Variants in PDLIM1 observed in about 807,000 individuals in gnomAD.
PDLIM1 encodes the protein PDZ and LIM domain protein 1.
Under a neutral mutation model 35.2 loss-of-function variants are expected in PDLIM1, and 25 were observed. The ratio of observed to expected loss-of-function variants is 0.71; its 90% CI spans 0.52 to 0.99. The LOEUF (loss-of-function observed/expected upper bound fraction) is 0.99, where lower values mean the gene tolerates loss of function less well. Ranked by LOEUF, PDLIM1 falls within the 50% of genes least tolerant of loss-of-function variation. The pLI, the probability that PDLIM1 is intolerant of heterozygous loss-of-function variation, is 0.00. For synonymous variants in PDLIM1, 152 were observed against 154.0 expected, an observed-to-expected ratio of 0.99 and a Z score of 0.10; for missense variants, 363 against 415.3, an observed-to-expected ratio of 0.87 and a Z score of 1.09.
intron 5 of PDLIM1, among the ~76,000 whole-genome samples, chr10:95,241,109 G>C (rs1257871433): frequency 6.6e-6 from 1 of 152,194 alleles, no homozygotes; most frequent in East Asian, 1.9e-4. Flanking sequence ...CCCCATGACT[G>C]CAGTCACGTC....
intron 1 of PDLIM1, among the ~76,000 whole-genome samples, chr10:95,276,766 T>C (rs1475867265): frequency 1.3e-5 from 2 of 151,988 alleles, no homozygotes; most frequent in Non-Finnish European, 1.5e-5. Flanking sequence ...GCACAGCTGG[T>C]GAGCGGCAGG....
At chr10:95,279,661 G>T (rs1391997256) in intron 1 of PDLIM1, among the ~76,000 whole-genome samples, 1 of 152,200 alleles carries the variant, frequency 6.6e-6, no homozygotes, top group Non-Finnish European at 1.5e-5. Context: ...TTACTCAGGG[G>T]AGCAAAACGT....
intron 5 of PDLIM1, among the ~76,000 whole-genome samples, chr10:95,241,866 T>C (rs1489107216): frequency 2.0e-5 from 3 of 152,198 alleles, no homozygotes; most frequent in African/African-American, 2.4e-5. Context: ...AGCTATCCGG[T>C]AGCCCTCATA....
intron 5 of PDLIM1, among the ~76,000 whole-genome samples, chr10:95,243,761 A>G (rs139224945): frequency 3.0e-3 from 458 of 152,292 alleles, no homozygotes; most frequent in Non-Finnish European, 4.9e-3. Flanking sequence ...AAACAACGGA[A>G]TAATACTCTG....
At chr10:95,265,060 C>A (rs1331880443) in intron 3 of PDLIM1, among the ~76,000 whole-genome samples, 1 of 152,130 alleles carries the variant, frequency 6.6e-6, no homozygotes, top group Non-Finnish European at 1.5e-5. Context: ...GTCTTAGTGT[C>A]TGTGTTTTCC....
chr10:95,247,154 A>G, intron 5 of PDLIM1, 61 bp downstream of exon 5: 2 of 1,491,870 alleles, frequency 1.3e-6, no homozygotes, highest in African/African-American at 1.4e-5. Flanking sequence ...TGCTTCCACA[A>G]TGACTGACTC....
At chr10:95,259,391 C>A (rs992486867) in intron 4 of PDLIM1, among the ~76,000 whole-genome samples, 3 of 152,150 alleles carry the variant, frequency 2.0e-5, no homozygotes, top group Non-Finnish European at 4.4e-5. Flanking sequence ...CCAGAAAAAT[C>A]TTTCCTATCT....
chr10:95,264,554 T>G (rs2035396363), intron 3 of PDLIM1, among the ~76,000 whole-genome samples: 1 of 152,150 alleles, frequency 6.6e-6, no homozygotes, highest in Non-Finnish European at 1.5e-5. Flanking sequence ...GGGTGTGGTG[T>G]CACAGGGGAA....
intron 1 of PDLIM1, among the ~76,000 whole-genome samples, chr10:95,284,384 G>A (rs1298823221): frequency 2.6e-5 from 4 of 151,098 alleles, no homozygotes; most frequent in Admixed American, 6.6e-5. Context: ...ATGGAGTTTC[G>A]CTCTTGTTGC....
intron 4 of PDLIM1, among the ~76,000 whole-genome samples, chr10:95,248,306 G>A (rs1024898662): frequency 1.2e-4 from 18 of 152,224 alleles, no homozygotes; most frequent in African/African-American, 4.3e-4. Flanking sequence ...GTACAGTGGT[G>A]CAATCACAGG....
At chr10:95,263,457 T>A (rs190752388) in intron 4 of PDLIM1, among the ~76,000 whole-genome samples, 4 of 146,650 alleles carry the variant, frequency 2.7e-5, no homozygotes, top group African/African-American at 1.0e-4. Context: ...ATGGTGGACA[T>A]AAGCACAGGC....
At chr10:95,284,193 G>T (rs751005113) in intron 1 of PDLIM1, among the ~76,000 whole-genome samples, 17 of 152,080 alleles carry the variant, frequency 1.1e-4, no homozygotes, top group Non-Finnish European at 1.9e-4. Context: ...TTGTCCTTTA[G>T]CACTCATGTG....
At chr10:95,275,421 C>A (rs2133436377) in intron 1 of PDLIM1, among the ~76,000 whole-genome samples, 1 of 152,314 alleles carries the variant, frequency 6.6e-6, no homozygotes, top group East Asian at 1.9e-4. Flanking sequence ...ATCCACTGGG[C>A]AGTTACAGTA....
chr10:95,279,451 T>C (rs2035541450), intron 1 of PDLIM1, among the ~76,000 whole-genome samples: 2 of 152,188 alleles, frequency 1.3e-5, no homozygotes, highest in Non-Finnish European at 2.9e-5. Flanking sequence ...TAATACAGTA[T>C]GGGGAAAAAA....
intron 1 of PDLIM1, among the ~76,000 whole-genome samples, chr10:95,281,883 T>C (rs2035564615): frequency 6.6e-6 from 1 of 152,240 alleles, no homozygotes; most frequent in Non-Finnish European, 1.5e-5. Flanking sequence ...CTAAATGTAG[T>C]GTGCAATTAC....
At chr10:95,245,066 C>T (rs2133411429) in intron 5 of PDLIM1, among the ~76,000 whole-genome samples, 1 of 152,330 alleles carries the variant, frequency 6.6e-6, no homozygotes, top group South Asian at 2.1e-4. Context: ...TGCTATCTCC[C>T]TCTTCCCTTC....
At chr10:95,271,028 AAG>A (rs1481502589) in intron 2 of PDLIM1, among the ~76,000 whole-genome samples, 1 of 151,830 alleles carries the variant, frequency 6.6e-6, no homozygotes, top group Non-Finnish European at 1.5e-5. Context: ...TGGGATTACA[AAG>A]AGAGCCACCG....
chr10:95,272,166 T>C (rs969458722), intron 1 of PDLIM1, among the ~76,000 whole-genome samples: 1 of 152,110 alleles, frequency 6.6e-6, no homozygotes, highest in Non-Finnish European at 1.5e-5. Context: ...TCCTTCCCAC[T>C]GAACCACGTT....
At chr10:95,253,594 G>A (rs1343157919) in intron 4 of PDLIM1, among the ~76,000 whole-genome samples, 1 of 151,528 alleles carries the variant, frequency 6.6e-6, no homozygotes, top group Non-Finnish European at 1.5e-5. Context: ...AGGTGGAGGT[G>A]GCAGTAAGCG....
Sources: allele counts gnomAD v4.1 joint callset (sites outside exome capture counted in the v4.1 genomes callset), GRCh38; gene constraint gnomAD v4.1.1; transcripts MANE v1.5; gene names NCBI Gene and HGNC (gene_info 2026-07-23, HGNC 2026-07-21).